The following PDE12 variants were observed in gnomAD, a reference collection of about 807,000 sequenced individuals.
The protein encoded by PDE12 is phosphodiesterase 12, also known as 2',5'-phosphodiesterase 12.
In PDE12, 26 loss-of-function variants were observed where a neutral mutation model predicts 45.4. That is an observed-to-expected ratio of 0.57 (90% confidence interval 0.42 to 0.79). The LOEUF is 0.79. Among genes scored for constraint, PDE12 ranks in the 30% least tolerant of loss-of-function variants. The pLI is 0.00. For missense variants in PDE12, 668 were observed against 790.0 expected (o/e 0.85, Z 1.85); for synonymous variants, 283 against 323.9 (o/e 0.87, Z 1.36).
At chr3:57,568,132 T>G (rs2069803256), downstream of PDE12, among the ~76,000 whole-genome samples, 1 of 151,232 alleles carries the variant, frequency 6.6e-6, no homozygotes. Context: ...AGGAGTCACT[T>G]TCAAACCTCC....
chr3:57,625,773 G>A, the PDE12 span: 1 of 152,422 alleles, frequency 6.6e-6, no homozygotes, highest in Non-Finnish European at 1.5e-5. Flanking sequence ...GGTATGATAT[G>A]GTTTTCAACA....
rs2069789925 is a variant in PDE12 at position 57,566,829 on chromosome 3, AATAAT to A, written c.*6832_*6836del. 6.6e-6 allele frequency: 1 copy of A among 152,166 alleles called. No homozygotes were observed. The highest frequency in any genetic ancestry group is 2.4e-5 in the African/African-American group (1 of 41,428). 9.4% of individuals were successfully genotyped at this position (152,166 alleles called of 1,614,324 possible). A position where few individuals can be genotyped will look rare whatever the true frequency, so the allele number is the denominator to read the frequency against. The stretch of plus-strand genomic sequence containing the variant: ...TTTAGCCACCCCTCCTTAAAAAATA[AATAAT>A]ATAATAATCCATCATCCCTTGCCTT... On this transcript the variant is annotated 3_prime_UTR_variant, in exon 3 of 3. Coordinates refer to ENST00000311180, the MANE Select transcript of PDE12 (RefSeq NM_177966.7).
the PDE12 span, chr3:57,631,052 G>A: frequency 2.8e-6 from 4 of 1,412,718 alleles, no homozygotes; most frequent in Non-Finnish European, 3.9e-6. Flanking sequence ...AAAGGAATGG[G>A]TCTTTTAAGT....
the PDE12 span, among the ~76,000 whole-genome samples, chr3:57,584,695 C>T: frequency 1.3e-5 from 2 of 152,096 alleles, no homozygotes; most frequent in Non-Finnish European, 2.9e-5. Context: ...TAAAAGGTAA[C>T]AAGTATGTAG....
the PDE12 span, among the ~76,000 whole-genome samples, chr3:57,582,744 TA>T: frequency 1.7e-4 from 21 of 121,442 alleles, no homozygotes; most frequent in African/African-American, 5.2e-4. Context: ...ATATCACACT[TA>T]AAAAAAATTA....
Position 57,561,244 on chromosome 3 carries a change from G to A in PDE12, c.*1240G>A. 1.0e-6 allele frequency: 1 copy of A among 985,346 alleles called. No individual in the cohort carries two copies. Among genetic ancestry groups the A allele is most frequent in the Non-Finnish European group, 1.2e-6 (1 of 829,618 alleles). The allele number at this position is 985,346 out of a possible 1,614,324, so 61.0% of individuals were successfully genotyped here. ...TTATGAGAAACTACCTACTGATATGGGCTTGAAATTTTGGATGAATCATTG... is the reference window on the plus strand; with the variant it reads ...TTATGAGAAACTACCTACTGATATGAGCTTGAAATTTTGGATGAATCATTG... On this transcript the variant is annotated 3_prime_UTR_variant, in exon 3 of 3. Coordinates refer to ENST00000311180, the MANE Select transcript of PDE12 (RefSeq NM_177966.7).
chr3:57,582,041 G>T, the PDE12 span, among the ~76,000 whole-genome samples: 2 of 152,272 alleles, frequency 1.3e-5, no homozygotes, highest in East Asian at 3.9e-4. Context: ...TCTGGATTTA[G>T]AATGCTCAAC....
chr3:57,611,256 G>A, the PDE12 span, among the ~76,000 whole-genome samples: 1 of 152,148 alleles, frequency 6.6e-6, no homozygotes, highest in Non-Finnish European at 1.5e-5. Flanking sequence ...AGATTTAAAT[G>A]TTAGACCTAA....
At chr3:57,653,096 C>T in the PDE12 span, among the ~76,000 whole-genome samples, 33 of 152,134 alleles carry the variant, frequency 2.2e-4, no homozygotes, top group Non-Finnish European at 3.8e-4. Flanking sequence ...GGCACCAAGT[C>T]GCCAGCTTAC....
At chr3:57,592,451 G>A in the PDE12 span, among the ~76,000 whole-genome samples, 1 of 152,104 alleles carries the variant, frequency 6.6e-6, no homozygotes, top group Non-Finnish European at 1.5e-5. Flanking sequence ...TTGCACCACT[G>A]TACTCGAGCC....
the PDE12 span, among the ~76,000 whole-genome samples, chr3:57,606,044 A>G: frequency 7.2e-5 from 11 of 152,186 alleles, no homozygotes; most frequent in Admixed American, 7.2e-4. Context: ...TCCCTAAAAG[A>G]AGGGAAGAGG....
chr3:57,571,501 T>C (rs1026197057), downstream of PDE12: 2 of 152,608 alleles, frequency 1.3e-5, no homozygotes, highest in Admixed American at 6.5e-5. Flanking sequence ...AGAACTATCA[T>C]ATACTGAGCA....
chr3:57,560,649 A>AT lies in PDE12; in HGVS notation c.*652dup, dbSNP rs1233114767. On this transcript the variant is annotated 3_prime_UTR_variant, in exon 3 of 3. Coordinates refer to ENST00000311180, the MANE Select transcript of PDE12 (RefSeq NM_177966.7). The stretch of plus-strand genomic sequence containing the variant: ...CCCTTGTGTACATTTTTATAAGAGA[A>AT]TTTTTTTAGCTAGGAGTTCAGAATT... 1.0e-6 allele frequency: 1 copy of AT among 985,260 alleles called. No individual in the cohort carries two copies. The highest frequency in any genetic ancestry group is 1.2e-6 in the Non-Finnish European group (1 of 829,818). 61.0% of individuals were successfully genotyped at this position (985,260 alleles called of 1,614,324 possible).
At chr3:57,611,181 C>T in the PDE12 span, among the ~76,000 whole-genome samples, 2,171 of 152,064 alleles carry the variant, frequency 0.014, 59 homozygotes, top group African/African-American at 0.048. Flanking sequence ...GCTAGCCATA[C>T]GTAGAAAGCT....
the PDE12 span, among the ~76,000 whole-genome samples, chr3:57,652,896 G>C: frequency 5.3e-5 from 8 of 152,178 alleles, no homozygotes; most frequent in African/African-American, 1.7e-4. Flanking sequence ...GACTGAAGAT[G>C]ACTAATGAGA....
At chr3:57,597,363 C>G in the PDE12 span, 1 of 469,090 alleles carries the variant, frequency 2.1e-6, no homozygotes, top group Non-Finnish European at 3.9e-6. Flanking sequence ...AGCTCCGGCT[C>G]TAGCCTTTAG....
chr3:57,596,574 C>G, the PDE12 span: 2 of 153,100 alleles, frequency 1.3e-5, no homozygotes, highest in Admixed American at 6.5e-5. Flanking sequence ...ACTTCCTGCC[C>G]CGGGCGGCTC....
chr3:57,633,210 T>G, the PDE12 span: 3 of 1,437,264 alleles, frequency 2.1e-6, no homozygotes, highest in Non-Finnish European at 2.9e-6. Flanking sequence ...GGAAAAACAT[T>G]TATATACCCT....
In PDE12 at chr3:57,561,425, A is replaced by AAT. The variant is rs775351640; in HGVS notation, c.*1431_*1432dup. ...TACAGACAACAGTGTGTATATATGT[A>AAT]ATATATATATAGTAAAATGAAATTT... On this transcript the variant is annotated 3_prime_UTR_variant, in exon 3 of 3. Coordinates refer to ENST00000311180, the MANE Select transcript of PDE12 (RefSeq NM_177966.7). 19 of 954,190 alleles carry AAT rather than the reference A, an allele frequency of 2.0e-5. No individual in the cohort carries two copies. The highest frequency in any genetic ancestry group is 2.2e-5 in the Non-Finnish European group (18 of 801,292). The allele number at this position is 954,190 out of a possible 1,614,324, so 59.1% of individuals were successfully genotyped here.
Sources: allele counts gnomAD v4.1 joint callset (sites outside exome capture counted in the v4.1 genomes callset), GRCh38; gene constraint gnomAD v4.1.1; transcripts MANE v1.5; gene names NCBI Gene and HGNC (gene_info 2026-07-23, HGNC 2026-07-21).